Variants in BAZ2B observed in about 807,000 individuals in gnomAD.
BAZ2B encodes the protein bromodomain adjacent to zinc finger domain 2B, also known as bromodomain adjacent to zinc finger domain protein 2B.
A neutral mutation model predicts 246.0 loss-of-function variants in BAZ2B; 91 were observed. The observed-to-expected ratio is 0.37, with a 90% CI of 0.31 to 0.44. BAZ2B has a LOEUF of 0.44. BAZ2B is among the 20% of genes least tolerant of loss of function. The pLI is 1.00. For missense variants in BAZ2B, 2,332 were observed against 2,533.7 expected (o/e 0.92, Z 1.71); for synonymous variants, 855 against 860.0 (o/e 0.99, Z 0.10).
intron 27 of BAZ2B, among the ~76,000 whole-genome samples, chr2:159,363,621 A>G (rs1432494823): frequency 6.6e-6 from 1 of 152,228 alleles, no homozygotes; most frequent in Admixed American, 6.5e-5. Context: ...GAGTAGACCG[A>G]TAGGCTGAAC....
At chr2:159,486,594 CTTT>C (rs1178171940) in intron 2 of BAZ2B, among the ~76,000 whole-genome samples, 1 of 143,900 alleles carries the variant, frequency 6.9e-6, no homozygotes, top group Non-Finnish European at 1.5e-5. Flanking sequence ...TTTTCTTCTT[CTTT>C]TTTTTTTTTC....
chr2:159,605,339 T>C (rs1693223002), intron 1 of BAZ2B, among the ~76,000 whole-genome samples: 3 of 152,110 alleles, frequency 2.0e-5, no homozygotes, highest in Admixed American at 6.5e-5. Context: ...CCTGGCTTGA[T>C]AAGTGATTTT....
At chr2:159,361,485 G>A (rs554208512) in intron 27 of BAZ2B, among the ~76,000 whole-genome samples, 3 of 152,264 alleles carry the variant, frequency 2.0e-5, no homozygotes, top group African/African-American at 4.8e-5. Context: ...AAATAGGAAC[G>A]CTTTTACACT....
In BAZ2B at chr2:159,337,144, T is replaced by C; in HGVS notation, c.5661-67A>G. 5 of 1,527,660 alleles carry C rather than the reference T, an allele frequency of 3.3e-6. No homozygotes were observed. The South Asian group carries it at 4.7e-5, about 14-fold the overall frequency. 94.6% of individuals were successfully genotyped at this position (1,527,660 alleles called of 1,614,324 possible). A position where few individuals can be genotyped will look rare whatever the true frequency, so the allele number is the denominator to read the frequency against. ...CTTACGATTACGGAATGTGAAACAA[T>C]CATCACACTGAAAGCCAAGCAATGA... On this transcript the variant is annotated intron_variant, in intron 32 of 36. Transcript: ENST00000392783.
the BAZ2B span, chr2:159,695,495 C>T: frequency 2.6e-5 from 4 of 151,242 alleles, no homozygotes; most frequent in African/African-American, 9.7e-5. Context: ...ATTTTTTCTA[C>T]AAGTTGTATA....
chr2:159,540,831 A>C (rs1352537766), intron 2 of BAZ2B, among the ~76,000 whole-genome samples: 1 of 152,224 alleles, frequency 6.6e-6, no homozygotes, highest in Non-Finnish European at 1.5e-5. Flanking sequence ...AATCATAAGA[A>C]TAGATCAAAC....
At chr2:159,495,652 T>C (rs1171798398) in intron 2 of BAZ2B, among the ~76,000 whole-genome samples, 6 of 152,088 alleles carry the variant, frequency 3.9e-5, no homozygotes, top group Non-Finnish European at 8.8e-5. Context: ...ATCAAATTTA[T>C]GATTCATCTT....
intron 6 of BAZ2B, among the ~76,000 whole-genome samples, chr2:159,441,792 G>A (rs1465582001): frequency 1.3e-5 from 2 of 152,138 alleles, no homozygotes; most frequent in African/African-American, 4.8e-5. Context: ...GGGACTATAA[G>A]CTAAAACATT....
chr2:159,415,632 GA>G (rs1330421605), intron 13 of BAZ2B, among the ~76,000 whole-genome samples: 1 of 151,962 alleles, frequency 6.6e-6, no homozygotes, highest in East Asian at 1.9e-4. Context: ...GAAGGTTAAG[GA>G]AATTTTTAAA....
chr2:159,653,239 A>C, the BAZ2B span, among the ~76,000 whole-genome samples: 2 of 152,140 alleles, frequency 1.3e-5, no homozygotes, highest in African/African-American at 4.8e-5. Flanking sequence ...CACACCTGGC[A>C]CCAAGTGTCC....
At chr2:159,588,929 A>C (rs183582404) in intron 1 of BAZ2B, among the ~76,000 whole-genome samples, 2 of 152,348 alleles carry the variant, frequency 1.3e-5, no homozygotes, top group African/African-American at 4.8e-5. Context: ...GGAGATATAC[A>C]TAAGCAAAAA....
downstream of BAZ2B, among the ~76,000 whole-genome samples, chr2:159,315,968 G>T (rs1162341275): frequency 6.6e-6 from 1 of 151,980 alleles, no homozygotes; most frequent in Non-Finnish European, 1.5e-5. Flanking sequence ...CAACTCAAAA[G>T]AAACAGAAAC....
chr2:159,588,760 T>G (rs921344216), intron 1 of BAZ2B, among the ~76,000 whole-genome samples: 15 of 152,226 alleles, frequency 9.9e-5, no homozygotes, highest in African/African-American at 3.4e-4. Context: ...TTGTGGCTCT[T>G]TTTGACTTTA....
At chr2:159,398,527 GT>G (rs1268796265) in intron 18 of BAZ2B, among the ~76,000 whole-genome samples, 5 of 151,914 alleles carry the variant, frequency 3.3e-5, no homozygotes, top group Non-Finnish European at 5.9e-5. Context: ...ACACAAAACA[GT>G]TTTGGGGGGG....
chr2:159,430,599 G>C (rs1056119035), intron 10 of BAZ2B, among the ~76,000 whole-genome samples: 8 of 152,030 alleles, frequency 5.3e-5, no homozygotes, highest in African/African-American at 1.9e-4. Flanking sequence ...TATTCTAGAA[G>C]CACAAACTGA....
At chr2:159,478,749 A>C in intron 2 of BAZ2B, 28 bp from the exon 3 acceptor site, 1 of 1,409,502 alleles carries the variant, frequency 7.1e-7, no homozygotes, top group Non-Finnish European at 9.3e-7. Context: ...GTTAATTCTC[A>C]GTATCAGATA....
intron 6 of BAZ2B, among the ~76,000 whole-genome samples, chr2:159,445,657 G>T (rs545223140): frequency 6.6e-6 from 1 of 152,306 alleles, no homozygotes; most frequent in Admixed American, 6.5e-5. Context: ...CTAGTAAACT[G>T]CCTGCTGAGA....
chr2:159,429,409 T>C, intron 10 of BAZ2B, 149 bp from the exon 11 acceptor site: 1 of 480,704 alleles, frequency 2.1e-6, no homozygotes. Flanking sequence ...TAGATGGTTT[T>C]CAATAAAACA....
At chr2:159,636,622 G>C in the BAZ2B span, among the ~76,000 whole-genome samples, 9 of 152,258 alleles carry the variant, frequency 5.9e-5, no homozygotes, top group East Asian at 1.7e-3. Flanking sequence ...TAGGACACAA[G>C]GACTGCAATT....
Sources: gnomAD v4.1 joint callset for allele counts (sites outside exome capture counted in the v4.1 genomes callset) on GRCh38, gnomAD v4.1.1 for gene constraint, MANE v1.5 for transcripts, NCBI Gene and HGNC (gene_info 2026-07-23, HGNC 2026-07-21) for gene names.